Variants in CALN1 observed in about 807,000 individuals in gnomAD.
CALN1 encodes the protein calcium-binding protein 8.
In CALN1, 17 loss-of-function variants were observed where a neutral mutation model predicts 30.6. The ratio of observed to expected loss-of-function variants is 0.56; its 90% CI spans 0.38 to 0.83. CALN1 has a LOEUF of 0.83. Ranked by LOEUF, CALN1 falls within the 40% of genes least tolerant of loss-of-function variation. CALN1 has a pLI of 0.00. For missense variants in CALN1, 291 were observed against 354.9 expected, an observed-to-expected ratio of 0.82 and a Z score of 1.45; for synonymous variants, 156 against 131.4, an observed-to-expected ratio of 1.19 and a Z score of -1.28.
At chr7:72,463,083 T>G in the CALN1 span, among the ~76,000 whole-genome samples, 1 of 152,208 alleles carries the variant, frequency 6.6e-6, no homozygotes, top group South Asian at 2.1e-4. Context: ...GTGTGGACAC[T>G]GAGGCTCACA....
intron 5 of CALN1, among the ~76,000 whole-genome samples, chr7:71,933,087 C>T (rs764166913): frequency 2.6e-5 from 4 of 151,520 alleles, no homozygotes; most frequent in Middle Eastern, 3.4e-3. Context: ...CAGACATAGA[C>T]ATGCAAGCTA....
Position 72,287,926 on chromosome 7 carries a change from A to G in CALN1, c.120-9116T>C, listed in dbSNP as rs1798203411. Among the ~76,000 whole-genome samples the G allele has an allele frequency of 2.6e-5, 4 of 152,086 alleles. 1 individual carries two copies. In the South Asian group the frequency reaches 8.3e-4, roughly 32 times the overall value. On this transcript the variant is annotated intron_variant, in intron 2 of 6. Coordinates refer to ENST00000395275, the MANE Select transcript of CALN1 (RefSeq NM_031468.4). ...ATTGAGTATGCGAATCTTTACCTTTATTGGATTTAGTGAAATTGCACTCCA... is the reference window on the plus strand; with the variant it reads ...ATTGAGTATGCGAATCTTTACCTTTGTTGGATTTAGTGAAATTGCACTCCA...
At chr7:72,434,406 C>A (rs1808080545) in intron 1 of CALN1, among the ~76,000 whole-genome samples, 1 of 150,100 alleles carries the variant, frequency 6.7e-6, no homozygotes, top group Admixed American at 6.7e-5. Context: ...CCTGTAATCA[C>A]AGCTATTCGG....
chr7:71,819,210 C>CTT (rs113567992), intron 5 of CALN1, among the ~76,000 whole-genome samples: 6 of 137,432 alleles, frequency 4.4e-5, no homozygotes, highest in African/African-American at 8.0e-5. Context: ...CTATTTTATT[C>CTT]TTTTTTTTTT....
Position 72,204,335 on chromosome 7 carries a change from C to T in CALN1, c.244+74351G>A, listed in dbSNP as rs113604793. 3.8e-3 allele frequency among the ~76,000 whole-genome samples: 584 copies of T among 151,920 alleles called. 8 individuals are homozygous for T. Among genetic ancestry groups the T allele is most frequent in the African/African-American group, 0.013 (559 of 41,432 alleles). ...CTTTTTTAATGTTAATTGTATTCAA[C>T]TATACACAGTTCGTTGTTGCCTTTG... On this transcript the variant is annotated intron_variant, in intron 3 of 6. Transcript: ENST00000395275.
At chr7:72,323,262 G>A (rs900664213) in intron 2 of CALN1, among the ~76,000 whole-genome samples, 6 of 152,056 alleles carry the variant, frequency 3.9e-5, no homozygotes, top group East Asian at 1.9e-4. Context: ...CCCTGCCCTG[G>A]ATGAACCCAC....
intron 2 of CALN1, among the ~76,000 whole-genome samples, chr7:72,338,190 C>A (rs1007604007): frequency 6.6e-6 from 1 of 152,132 alleles, no homozygotes; most frequent in Non-Finnish European, 1.5e-5. Context: ...AAAGAAAGAG[C>A]AACAAACCTG....
chr7:71,832,074 T>A (rs181392061), intron 5 of CALN1, among the ~76,000 whole-genome samples: 33 of 152,248 alleles, frequency 2.2e-4, no homozygotes, highest in Non-Finnish European at 4.0e-4. Flanking sequence ...GAGGCTGATG[T>A]TGTCCAATTC....
the CALN1 span, among the ~76,000 whole-genome samples, chr7:72,466,865 A>AG: frequency 2.6e-5 from 1 of 38,700 alleles, no homozygotes; most frequent in Non-Finnish European, 5.3e-5. Flanking sequence ...AAAGAGAAAG[A>AG]AAAAGAAAGA....
chr7:72,238,117 C>CA (rs1263643277), intron 3 of CALN1, among the ~76,000 whole-genome samples: 1 of 152,182 alleles, frequency 6.6e-6, no homozygotes, highest in African/African-American at 2.4e-5. Flanking sequence ...TTAGGGTCTG[C>CA]AGGTGTTCAC....
intron 6 of CALN1, among the ~76,000 whole-genome samples, chr7:71,809,355 G>T (rs1333288254): frequency 6.7e-6 from 1 of 149,300 alleles, no homozygotes; most frequent in Non-Finnish European, 1.5e-5. Flanking sequence ...TCCCCCCATA[G>T]CACTCACTGG....
chr7:72,206,457 ATG>A (rs933447691), intron 3 of CALN1, among the ~76,000 whole-genome samples: 1 of 152,148 alleles, frequency 6.6e-6, no homozygotes, highest in Non-Finnish European at 1.5e-5. Context: ...CTAATACTAT[ATG>A]TGACTTGCAA....
At chr7:72,401,769 G>T (rs1488501427) in intron 2 of CALN1, among the ~76,000 whole-genome samples, 1 of 152,216 alleles carries the variant, frequency 6.6e-6, no homozygotes, top group Non-Finnish European at 1.5e-5. Flanking sequence ...TTGTCTGTTT[G>T]CTGTGTGATA....
At chr7:71,795,135 G>A (rs561061303) in intron 6 of CALN1, among the ~76,000 whole-genome samples, 1 of 152,240 alleles carries the variant, frequency 6.6e-6, no homozygotes, top group Non-Finnish European at 1.5e-5. Flanking sequence ...TCCTGCCTCA[G>A]CCTCCCGAGT....
At chr7:71,847,628 G>T (rs1288503748) in intron 5 of CALN1, among the ~76,000 whole-genome samples, 1 of 151,090 alleles carries the variant, frequency 6.6e-6, no homozygotes, top group Non-Finnish European at 1.5e-5. Flanking sequence ...GTTGCAGTGA[G>T]CCAAGATTGC....
intron 2 of CALN1, among the ~76,000 whole-genome samples, chr7:72,391,180 G>C (rs1383162947): frequency 1.3e-5 from 2 of 152,252 alleles, no homozygotes; most frequent in South Asian, 4.1e-4. Context: ...CTGGTGACTT[G>C]GTAGCAGCCA....
At chr7:71,812,177 T>A (rs1477615129) in intron 5 of CALN1, among the ~76,000 whole-genome samples, 1 of 152,202 alleles carries the variant, frequency 6.6e-6, no homozygotes, top group Non-Finnish European at 1.5e-5. Flanking sequence ...TACAGCTGAA[T>A]CACAATGGAC....
intron 3 of CALN1, among the ~76,000 whole-genome samples, chr7:72,210,020 C>A (rs773701611): frequency 6.6e-6 from 1 of 152,178 alleles, no homozygotes; most frequent in African/African-American, 2.4e-5. Flanking sequence ...CCGAAGCCCT[C>A]GTTTCTGACG....
In CALN1 at chr7:72,408,066, T is replaced by C. The variant is rs112557782; in HGVS notation, c.-74+3992A>G. Among the ~76,000 whole-genome samples, 10 of 152,154 alleles carry C rather than the reference T, an allele frequency of 6.6e-5. 1 individual carries two copies. Among genetic ancestry groups the C allele is most frequent in the African/African-American group, 2.2e-4 (9 of 41,520 alleles). ...CAGGCAGGAGCAACCTTGAAATAAT[T>C]GGTGTTCAATAAACATATATTGAAC... On this transcript the variant is annotated intron_variant, in intron 1 of 6. Coordinates refer to ENST00000395275, the MANE Select transcript of CALN1 (RefSeq NM_031468.4).
Sources: allele counts gnomAD v4.1 joint callset (sites outside exome capture counted in the v4.1 genomes callset), GRCh38; gene constraint gnomAD v4.1.1; transcripts MANE v1.5; gene names NCBI Gene and HGNC (gene_info 2026-07-23, HGNC 2026-07-21).